ULK4: variants seen among roughly 807,000 people sequenced by gnomAD.
ULK4 encodes the protein inactive serine/threonine-protein kinase ULK4.
ULK4 carries 133 observed loss-of-function variants against 160.6 expected under a neutral mutation model. The ratio of observed to expected loss-of-function variants is 0.83; its 90% CI spans 0.72 to 0.96. The LOEUF (loss-of-function observed/expected upper bound fraction) is 0.96. Among genes scored for constraint, ULK4 ranks in the 40% least tolerant of loss-of-function variants. The pLI, the probability that ULK4 is intolerant of heterozygous loss-of-function variation, is 0.00. For synonymous variants in ULK4, 534 were observed against 539.8 expected (o/e 0.99, Z 0.15); for missense variants, 1,580 against 1,499.5 (o/e 1.05, Z -0.89).
intron 2 of ULK4, among the ~76,000 whole-genome samples, chr3:41,941,602 A>T (rs993164842): frequency 2.6e-5 from 4 of 151,392 alleles, no homozygotes; most frequent in Non-Finnish European, 4.4e-5. Context: ...AACTAAAATT[A>T]AAAAATTAGC....
chr3:41,644,360 A>G (rs1029210587), intron 30 of ULK4, among the ~76,000 whole-genome samples: 1 of 152,050 alleles, frequency 6.6e-6, no homozygotes. Context: ...ATTTTGAGAT[A>G]TGTCCCATCA....
At chr3:41,737,916 G>C (rs904298332) in intron 22 of ULK4, among the ~76,000 whole-genome samples, 3 of 151,888 alleles carry the variant, frequency 2.0e-5, no homozygotes, top group Non-Finnish European at 4.4e-5. Flanking sequence ...AGACCACTTA[G>C]CAACTAGCAG....
intron 7 of ULK4, among the ~76,000 whole-genome samples, chr3:41,917,490 A>G (rs1699008784): frequency 1.3e-5 from 2 of 152,138 alleles, no homozygotes; most frequent in Non-Finnish European, 2.9e-5. Flanking sequence ...ATATATAGCA[A>G]TAATTTTTGT....
chr3:41,577,404 G>A (rs7613470), intron 31 of ULK4, among the ~76,000 whole-genome samples: 3 of 152,116 alleles, frequency 2.0e-5, no homozygotes, highest in Non-Finnish European at 4.4e-5. Context: ...TTTTGATACA[G>A]GCATGTAATG....
chr3:41,789,851 GACAA>G lies in ULK4; in HGVS notation c.2011-12_2011-9del, dbSNP rs1553653689. The stretch of plus-strand genomic sequence containing the variant: ...AGTGATTCTACACAAGGCCTACAAA[GACAA>G]GAGAACAGACCTGTCAGGCAACTCC... On this transcript the variant is annotated splice_polypyrimidine_tract_variant and intron_variant, in intron 20 of 36. Transcript: ENST00000301831. 4 of 1,598,382 alleles carry G rather than the reference GACAA, an allele frequency of 2.5e-6. No homozygotes were observed. Among genetic ancestry groups the G allele is most frequent in the Non-Finnish European group, 3.4e-6 (4 of 1,172,846 alleles).
At chr3:41,685,176 T>G (rs902104611) in intron 27 of ULK4, among the ~76,000 whole-genome samples, 1 of 152,246 alleles carries the variant, frequency 6.6e-6, no homozygotes, top group Non-Finnish European at 1.5e-5. Flanking sequence ...GATCTACCTT[T>G]GAGGTGATTA....
intron 35 of ULK4, among the ~76,000 whole-genome samples, chr3:41,360,353 C>A (rs990103649): frequency 2.6e-5 from 4 of 152,112 alleles, no homozygotes; most frequent in African/African-American, 9.7e-5. Context: ...TGGAAGACAG[C>A]GTAGCAATTC....
At chr3:41,633,708 A>G (rs1340545110) in intron 30 of ULK4, among the ~76,000 whole-genome samples, 1 of 152,174 alleles carries the variant, frequency 6.6e-6, no homozygotes, top group African/African-American at 2.4e-5. Context: ...AGGAATCCAT[A>G]GGAAAAAGCA....
At chr3:41,266,463 T>C (rs914660093) in intron 35 of ULK4, among the ~76,000 whole-genome samples, 16 of 152,264 alleles carry the variant, frequency 1.1e-4, no homozygotes, top group African/African-American at 3.8e-4. Context: ...CCCAGAGCAC[T>C]GAGACCACTG....
In ULK4 at chr3:41,375,673, A is replaced by T. The variant is rs147485623; in HGVS notation, c.3678+22406T>A. 3.0e-3 allele frequency among the ~76,000 whole-genome samples: 451 copies of T among 150,552 alleles called. 18 individuals carry two copies. The highest frequency in any genetic ancestry group is 0.017 in the East Asian group (84 of 4,884). Reference sequence around the variant, plus strand: ...TAAATGTAAGACCTAAACCCATAAAAACCCTGGAAGAAATCCTAGCCAATA... The same window carrying T: ...TAAATGTAAGACCTAAACCCATAAATACCCTGGAAGAAATCCTAGCCAATA... On this transcript the variant is annotated intron_variant, in intron 35 of 36. Coordinates refer to ENST00000301831, the MANE Select transcript of ULK4 (RefSeq NM_017886.4).
chr3:41,907,234 T>C (rs1245012906), intron 12 of ULK4, among the ~76,000 whole-genome samples: 2 of 152,194 alleles, frequency 1.3e-5, no homozygotes, highest in East Asian at 3.9e-4. Context: ...GAAAGAATTC[T>C]AAAACTGTGG....
At chr3:41,496,154 A>G (rs1398429591) in intron 32 of ULK4, among the ~76,000 whole-genome samples, 1 of 152,132 alleles carries the variant, frequency 6.6e-6, no homozygotes. Flanking sequence ...ACCAACAAGA[A>G]AACACTAAAA....
intron 5 of ULK4, among the ~76,000 whole-genome samples, chr3:41,925,895 T>C (rs1304959417): frequency 6.6e-6 from 1 of 152,126 alleles, no homozygotes; most frequent in Non-Finnish European, 1.5e-5. Flanking sequence ...ACAGAGCACC[T>C]GGGAGAAGGG....
At chr3:41,490,193 G>C (rs1187092576) in intron 32 of ULK4, among the ~76,000 whole-genome samples, 1 of 152,080 alleles carries the variant, frequency 6.6e-6, no homozygotes, top group East Asian at 1.9e-4. Context: ...CTCTGCCTCT[G>C]ATCTCCATCA....
At chr3:41,389,480 C>T (rs903762272) in intron 35 of ULK4, among the ~76,000 whole-genome samples, 7 of 152,136 alleles carry the variant, frequency 4.6e-5, no homozygotes, top group Non-Finnish European at 1.0e-4. Context: ...CCAGTTTTTG[C>T]CCATTCAGCA....
At chr3:41,305,364 G>A (rs1342895642) in intron 35 of ULK4, among the ~76,000 whole-genome samples, 1 of 152,230 alleles carries the variant, frequency 6.6e-6, no homozygotes, top group African/African-American at 2.4e-5. Flanking sequence ...CTGAGTGCCT[G>A]CGATTGCAGG....
intron 7 of ULK4, 69 bp downstream of exon 7, chr3:41,918,388 G>A (rs1023636008): frequency 3.6e-5 from 37 of 1,015,442 alleles, no homozygotes; most frequent in Admixed American, 1.7e-4. Flanking sequence ...AAAAGCAAAC[G>A]TTGGATAAAG....
intron 32 of ULK4, among the ~76,000 whole-genome samples, chr3:41,552,012 C>T (rs1189783549): frequency 2.0e-5 from 3 of 151,928 alleles, no homozygotes; most frequent in South Asian, 2.1e-4. Flanking sequence ...GGATAAAAAA[C>T]GTGATCATCT....
chr3:41,696,166 CTGACA>C, intron 27 of ULK4, among the ~76,000 whole-genome samples: 1 of 152,260 alleles, frequency 6.6e-6, no homozygotes, highest in South Asian at 2.1e-4. Context: ...TGTGGAAGGC[CTGACA>C]TGAGTCAGGC....
Sources: gnomAD v4.1 joint callset for allele counts (sites outside exome capture counted in the v4.1 genomes callset) on GRCh38, gnomAD v4.1.1 for gene constraint, MANE v1.5 for transcripts, NCBI Gene and HGNC (gene_info 2026-07-23, HGNC 2026-07-21) for gene names.